The following PCCB variants were observed in gnomAD, a reference collection of about 807,000 sequenced individuals.
The protein encoded by PCCB is propionyl-CoA carboxylase subunit beta.
Under a neutral mutation model 60.7 loss-of-function variants are expected in PCCB, and 43 were observed. The ratio of observed to expected loss-of-function variants is 0.71; its 90% CI spans 0.55 to 0.91. The LOEUF is 0.91. PCCB is among the 40% of genes least tolerant of loss of function. The pLI is 0.00. For missense variants in PCCB, 766 were observed against 702.8 expected, an observed-to-expected ratio of 1.09 and a Z score of -1.02; for synonymous variants, 276 against 255.9, an observed-to-expected ratio of 1.08 and a Z score of -0.75.
chr3:136,298,298 G>T (rs1196203761), intron 8 of PCCB, among the ~76,000 whole-genome samples: 1 of 151,986 alleles, frequency 6.6e-6, no homozygotes, highest in Non-Finnish European at 1.5e-5. Context: ...TGGTGGTGAA[G>T]AGTGGCCCAA....
intron 1 of PCCB, chr3:136,251,346 A>G (rs965342843): frequency 8.8e-6 from 4 of 456,440 alleles, no homozygotes; most frequent in African/African-American, 4.0e-5. Context: ...CTGGTGGGTG[A>G]GTCTGGACCG....
At chr3:136,276,551 T>G (rs1192281507) in intron 5 of PCCB, among the ~76,000 whole-genome samples, 3 of 152,110 alleles carry the variant, frequency 2.0e-5, no homozygotes, top group South Asian at 4.2e-4. Context: ...TGACTCTGCC[T>G]CTCTTGCAAG....
intron 7 of PCCB, among the ~76,000 whole-genome samples, chr3:136,296,194 C>T (rs887709108): frequency 2.6e-5 from 4 of 152,170 alleles, no homozygotes; most frequent in African/African-American, 9.7e-5. Flanking sequence ...ATTATTACCA[C>T]AATCAATTTC....
At chr3:136,261,805 C>A in intron 4 of PCCB, 147 bp from the exon 5 acceptor site, 1 of 671,808 alleles carries the variant, frequency 1.5e-6, no homozygotes, top group Non-Finnish European at 2.7e-6. Flanking sequence ...GGTACCCAAT[C>A]GTGATGGGGA....
At chr3:136,299,535 C>T in intron 8 of PCCB, among the ~76,000 whole-genome samples, 1 of 105,216 alleles carries the variant, frequency 9.5e-6, no homozygotes, top group African/African-American at 4.7e-5. Flanking sequence ...TATGTATATG[C>T]ATGTGTATAG....
Position 136,316,980 on chromosome 3 carries a change from T to C in PCCB, c.1006T>C (p.Tyr336His). The change falls in exon 10 of 15, where the codon TAT (tyrosine) becomes CAT (histidine). Residue 336 changes from tyrosine (Y) to histidine (H), a missense_variant. Transcript: ENST00000251654. ...TGAATTTTTTGAGATCATGCCCAAT[T>C]ATGCCAAGAACATCATTGTTGGTTT... The part of the protein sequence containing the change: ...EREFFEIMPN[Y>H]AKNIIVGFAR... 2 of 1,613,966 alleles carry C rather than the reference T, an allele frequency of 1.2e-6. No homozygotes were observed. The highest frequency in any genetic ancestry group is 1.7e-6 in the Non-Finnish European group (2 of 1,179,860).
At chr3:136,277,636 A>T (rs920610413) in intron 5 of PCCB, among the ~76,000 whole-genome samples, 27 of 152,174 alleles carry the variant, frequency 1.8e-4, no homozygotes, top group Non-Finnish European at 3.1e-4. Flanking sequence ...TCATTAGGGT[A>T]ATGTTCCAGA....
intron 9 of PCCB, among the ~76,000 whole-genome samples, chr3:136,309,734 C>T (rs1934587990): frequency 6.6e-6 from 1 of 150,930 alleles, no homozygotes; most frequent in African/African-American, 2.4e-5. Flanking sequence ...CACAGGAGTT[C>T]AAGGCTGTAG....
At chr3:136,321,655 C>T (rs78233046) in intron 10 of PCCB, among the ~76,000 whole-genome samples, 3 of 152,274 alleles carry the variant, frequency 2.0e-5, no homozygotes, top group Admixed American at 6.5e-5. Flanking sequence ...ACACATGGTC[C>T]CTCCCTCAAC....
chr3:136,267,490 T>TGGCTTTTTTTTTGAG (rs1271724396), intron 5 of PCCB, among the ~76,000 whole-genome samples: 1 of 152,046 alleles, frequency 6.6e-6, no homozygotes, highest in Non-Finnish European at 1.5e-5. Context: ...AAGCCTGTGG[T>TGGCTTTTTTTTTGAG]GGCTTTTTTT....
rs1411812398 is a variant in PCCB, at chr3:136,316,948, A to T, written c.974A>T (p.Asp325Val). The change falls in exon 10 of 15, where the codon GAT (aspartate) becomes GTT (valine). Residue 325 changes from aspartate to valine, a missense_variant. Coordinates refer to ENST00000251654, the MANE Select transcript of PCCB (RefSeq NM_000532.5). ...NMVDIIHSVV[D>V]EREFFEIMPN... ...GTAAATTTATTCCTGCAGGTTGTTG[A>T]TGAGCGTGAATTTTTTGAGATCATG... 1.2e-6 allele frequency: 2 copies of T among 1,613,926 alleles called. No homozygotes were observed. Among genetic ancestry groups the T allele is most frequent in the Non-Finnish European group, 1.7e-6 (2 of 1,179,980 alleles).
At position 136,264,448 on chromosome 3, in the gene PCCB, G is replaced by GTATA. The variant is rs71157366; in HGVS notation, c.543+2393_543+2396dup. On this transcript the variant is annotated intron_variant, in intron 5 of 14. Coordinates refer to ENST00000251654, the MANE Select transcript of PCCB (RefSeq NM_000532.5). ...CATATATATGTGTGTGTGTATATATGTATATATATATATGTTCCTCCTGGC... is the reference window on the plus strand; with the variant it reads ...CATATATATGTGTGTGTGTATATATGTATATATATATATATATGTTCCTCCTGGC... Among the ~76,000 whole-genome samples the GTATA allele has an allele frequency of 1.3e-3, 136 of 107,290 alleles. 5 individuals are homozygous for GTATA. The highest frequency in any genetic ancestry group is 3.6e-3 in the African/African-American group (120 of 33,232). 70.4% of individuals were successfully genotyped at this position (107,290 alleles called of 152,430 possible).
intron 5 of PCCB, among the ~76,000 whole-genome samples, chr3:136,271,783 A>G (rs375261703): frequency 4.6e-5 from 7 of 152,154 alleles, no homozygotes; most frequent in African/African-American, 1.2e-4. Flanking sequence ...TTTTCCAAGT[A>G]TATATGATCA....
rs79166979 is a variant in PCCB, at chr3:136,300,843, G to A, written c.885-187G>A. ...CAGAAGATCTTTTGGATTGATACTT[G>A]TCCCAGGTTCAGTTAATATGGTGGT... On this transcript the variant is annotated intron_variant, in intron 8 of 14. Coordinates refer to ENST00000251654, the MANE Select transcript of PCCB (RefSeq NM_000532.5). 2.7e-3 allele frequency among the ~76,000 whole-genome samples: 411 copies of A among 152,236 alleles called. 2 individuals are homozygous for A. Among genetic ancestry groups the A allele is most frequent in the South Asian group, 5.8e-3 (28 of 4,824 alleles).
At chr3:136,298,155 C>T (rs1934022010) in intron 8 of PCCB, 83 bp downstream of exon 8, 7 of 1,577,690 alleles carry the variant, frequency 4.4e-6, no homozygotes, top group Non-Finnish European at 6.1e-6. Context: ...CAGGGTCTGC[C>T]TTGTTGGGCA....
chr3:136,309,044 C>T (rs963380651), intron 9 of PCCB, among the ~76,000 whole-genome samples: 4 of 152,026 alleles, frequency 2.6e-5, no homozygotes, highest in Admixed American at 2.6e-4. Context: ...AGGTGGATTG[C>T]TTGAGCTCAG....
Position 136,297,935 on chromosome 3 carries a change from G to C in PCCB, c.764-17G>C. The C allele has an allele frequency of 1.9e-6, 3 of 1,613,992 alleles. No individual in the cohort carries two copies. Among genetic ancestry groups the C allele is most frequent in the Non-Finnish European group, 2.5e-6 (3 of 1,179,880 alleles). ...CTGGTACCCTGACTCAATCATATATGCTCCCTGTTCTCTTAGGTGTGGCCC... is the reference window on the plus strand; with the variant it reads ...CTGGTACCCTGACTCAATCATATATCCTCCCTGTTCTCTTAGGTGTGGCCC... On this transcript the variant is annotated splice_polypyrimidine_tract_variant and intron_variant, in intron 7 of 14. Transcript: ENST00000251654.
rs1935489841 is a variant in PCCB at position 136,330,163 on chromosome 3, A to G, written c.*137A>G. 18 of 1,520,364 alleles carry G rather than the reference A, an allele frequency of 1.2e-5. No homozygotes were observed. Among genetic ancestry groups the G allele is most frequent in the South Asian group, 2.4e-5 (2 of 83,894 alleles). The allele number at this position is 1,520,364 out of a possible 1,614,324, so 94.2% of individuals were successfully genotyped here. On this transcript the variant is annotated 3_prime_UTR_variant, in exon 15 of 15. Transcript: ENST00000251654. ...AATAACTAAGTTTATTAAATTCTAG[A>G]AAGATCTCTTTTGTGCCTTACTGTA...
intron 7 of PCCB, among the ~76,000 whole-genome samples, chr3:136,296,210 A>C (rs1321626416): frequency 2.0e-5 from 3 of 152,156 alleles, no homozygotes; most frequent in South Asian, 4.1e-4. Flanking sequence ...ATTTCAGGAC[A>C]TTGTCATCAC....
Sources: allele counts gnomAD v4.1 joint callset (sites outside exome capture counted in the v4.1 genomes callset), GRCh38; gene constraint gnomAD v4.1.1; transcripts MANE v1.5; gene names NCBI Gene and HGNC (gene_info 2026-07-23, HGNC 2026-07-21).